Variants in ATXN10 observed in about 807,000 individuals in gnomAD.
ATXN10 encodes ataxin-10.
A neutral mutation model predicts 52.9 loss-of-function variants in ATXN10; 28 were observed. The observed-to-expected ratio is 0.53, with a 90% CI of 0.39 to 0.73. The LOEUF (loss-of-function observed/expected upper bound fraction) is 0.73. Among genes scored for constraint, ATXN10 ranks in the 30% least tolerant of loss-of-function variants. The pLI is 0.00. For missense variants in ATXN10, 565 were observed against 577.0 expected (o/e 0.98, Z 0.21); for synonymous variants, 226 against 221.5 (o/e 1.02, Z -0.18).
At chr22:45,707,044 CAT>C (rs138147) in intron 5 of ATXN10, among the ~76,000 whole-genome samples, 9,041 of 152,226 alleles carry the variant, frequency 0.059, 517 homozygotes, top group African/African-American at 0.16. Context: ...TACACACACA[CAT>C]GTTTATATTT....
At chr22:45,806,884 A>G in intron 9 of ATXN10, 75 bp from the exon 10 acceptor site, 1 of 1,165,284 alleles carries the variant, frequency 8.6e-7, no homozygotes, top group Middle Eastern at 1.9e-4. Flanking sequence ...AAAACACAAA[A>G]GGAACAAGTC....
At chr22:45,731,871 G>C (rs1925102109) in intron 7 of ATXN10, among the ~76,000 whole-genome samples, 1 of 152,170 alleles carries the variant, frequency 6.6e-6, no homozygotes. Flanking sequence ...AGGAAAGAAA[G>C]GTCTTTATTC....
Position 45,708,201 on chromosome 22 carries a change from A to G in ATXN10, c.647+5354A>G, listed in dbSNP as rs138612749. 4.1e-3 allele frequency among the ~76,000 whole-genome samples: 621 copies of G among 152,324 alleles called. 3 individuals are homozygous for G. The highest frequency in any genetic ancestry group is 0.014 in the African/African-American group (600 of 41,576). ...GTTTGTAGGTGTGAAAGATGTTTTC[A>G]TGCTCTTAGATAACCCTAGATGAAT... On this transcript the variant is annotated intron_variant, in intron 5 of 11. Coordinates refer to ENST00000252934, the MANE Select transcript of ATXN10 (RefSeq NM_013236.4). The surrounding 1 kb of genome is among the most constrained non-coding windows in gnomAD (Gnocchi z 5.3).
rs368460395 is a variant in ATXN10, at chr22:45,785,841, C to T, written c.1174-21118C>T. ...GGTATACTTGGCAGCCTCTGAGCCA[C>T]GTCCTCCTGGACCAAACGTGGGAAG... On this transcript the variant is annotated intron_variant, in intron 9 of 11. Coordinates refer to ENST00000252934, the MANE Select transcript of ATXN10 (RefSeq NM_013236.4). Among the ~76,000 whole-genome samples the T allele has an allele frequency of 3.3e-5, 5 of 152,224 alleles. No individual in the cohort carries two copies. The South Asian group carries it at 6.2e-4, about 19-fold the overall frequency.
intron 7 of ATXN10, among the ~76,000 whole-genome samples, chr22:45,736,977 G>A (rs1167089799): frequency 1.3e-5 from 2 of 152,162 alleles, no homozygotes; most frequent in Non-Finnish European, 2.9e-5. Flanking sequence ...GGTTCTGTGA[G>A]GTACACTGGA....
chr22:45,750,351 C>T lies in ATXN10; in HGVS notation c.1173+9813C>T, dbSNP rs1925901693. 6.6e-6 allele frequency among the ~76,000 whole-genome samples: 1 copy of T among 152,118 alleles called. No individual in the cohort carries two copies. The highest frequency in any genetic ancestry group is 6.5e-5 in the Admixed American group (1 of 15,274). On this transcript the variant is annotated intron_variant, in intron 9 of 11. Coordinates refer to ENST00000252934, the MANE Select transcript of ATXN10 (RefSeq NM_013236.4). This position sits in a 1 kb window ranked among gnomAD's most constrained non-coding sequence, Gnocchi z 4.2. ...GCTTGAGCAGTCTGTCCACCTTGGC[C>T]TCCCAAAGTGCTAGGATTACAGGTG...
intron 10 of ATXN10, chr22:45,811,721 C>G (rs1401154387): frequency 2.1e-6 from 1 of 471,130 alleles, no homozygotes; most frequent in Non-Finnish European, 4.4e-6. Context: ...TCCACACTTG[C>G]ATCATTGCTG....
chr22:45,695,577 C>T (rs1923573964), intron 3 of ATXN10, among the ~76,000 whole-genome samples: 1 of 151,226 alleles, frequency 6.6e-6, no homozygotes, highest in Non-Finnish European at 1.5e-5. Context: ...GCAACCACCG[C>T]CTTCCCGCCG....
chr22:45,699,619 G>A (rs1923760884), intron 3 of ATXN10, among the ~76,000 whole-genome samples: 1 of 149,628 alleles, frequency 6.7e-6, no homozygotes, highest in Non-Finnish European at 1.5e-5. Context: ...AGCCTCCTAA[G>A]TAGCTGGGAT....
At position 45,700,269 on chromosome 22, in the gene ATXN10, T is replaced by C. The variant is rs545336515; in HGVS notation, c.392-13T>C. ...CATTTATTTATTTATTTATAACTTTTATATATTCTTAGCTTTTCGCTGTGG... is the reference window on the plus strand; with the variant it reads ...CATTTATTTATTTATTTATAACTTTCATATATTCTTAGCTTTTCGCTGTGG... On this transcript the variant is annotated splice_polypyrimidine_tract_variant and intron_variant, in intron 3 of 11. Coordinates refer to ENST00000252934, the MANE Select transcript of ATXN10 (RefSeq NM_013236.4). 2 of 1,553,756 alleles carry C rather than the reference T, an allele frequency of 1.3e-6. No homozygotes were observed. The highest frequency in any genetic ancestry group is 2.3e-5 in the East Asian group (1 of 44,372).
rs1375452149 is a variant in ATXN10 at position 45,681,249 on chromosome 22, A to G, written c.117-8463A>G. On this transcript the variant is annotated intron_variant, in intron 1 of 11. Transcript: ENST00000252934. The surrounding 1 kb of genome is among the most constrained non-coding windows in gnomAD (Gnocchi z 4.2). ...ATTATCCTGACCTCGAATTTCTTTGACTTTCTCTCCCTTAGTGAGCTTGAC... is the reference window on the plus strand; with the variant it reads ...ATTATCCTGACCTCGAATTTCTTTGGCTTTCTCTCCCTTAGTGAGCTTGAC... Among the ~76,000 whole-genome samples, 5 of 151,924 alleles carry G rather than the reference A, an allele frequency of 3.3e-5. No homozygotes were observed. The highest frequency in any genetic ancestry group is 5.9e-5 in the Non-Finnish European group (4 of 67,984).
rs1051472078 is a variant in ATXN10, at chr22:45,770,501, G to A, written c.1173+29963G>A. Among the ~76,000 whole-genome samples, 3 of 152,170 alleles carry A rather than the reference G, an allele frequency of 2.0e-5. No homozygotes were observed. The highest frequency in any genetic ancestry group is 1.3e-4 in the Admixed American group (2 of 15,284). ...GTTGCAATGCATATGTGTTTCTTAC[G>A]ATCAGATAAATTCAAAGAAAGTTTA... On this transcript the variant is annotated intron_variant, in intron 9 of 11. Coordinates refer to ENST00000252934, the MANE Select transcript of ATXN10 (RefSeq NM_013236.4). The surrounding 1 kb of genome is among the most constrained non-coding windows in gnomAD (Gnocchi z 4.5).
In ATXN10 at chr22:45,757,429, G is replaced by A. The variant is rs1926215972; in HGVS notation, c.1173+16891G>A. 6.6e-6 allele frequency among the ~76,000 whole-genome samples: 1 copy of A among 152,116 alleles called. No homozygotes were observed. Among genetic ancestry groups the A allele is most frequent in the South Asian group, 2.1e-4 (1 of 4,826 alleles). Reference sequence around the variant, plus strand: ...AGAAAATGCCTGAGGCTCCGAGGTGGGAGCCCAGGCTGGGATTCAGGATTT... The same window carrying A: ...AGAAAATGCCTGAGGCTCCGAGGTGAGAGCCCAGGCTGGGATTCAGGATTT... On this transcript the variant is annotated intron_variant, in intron 9 of 11. Transcript: ENST00000252934. The surrounding 1 kb of genome is among the most constrained non-coding windows in gnomAD (Gnocchi z 4.6).
rs1927315712 is a variant in ATXN10 at position 45,786,156 on chromosome 22, C to T, written c.1174-20803C>T. On this transcript the variant is annotated intron_variant, in intron 9 of 11. Coordinates refer to ENST00000252934, the MANE Select transcript of ATXN10 (RefSeq NM_013236.4). The surrounding 1 kb of genome is among the most constrained non-coding windows in gnomAD (Gnocchi z 4.1). ...AAAGAAAAGATAGTTGCTAATTTTT[C>T]TGGAATTTGGTAGTTGAACTCAGAG... Among the ~76,000 whole-genome samples the T allele has an allele frequency of 6.6e-6, 1 of 152,158 alleles. No individual in the cohort carries two copies. Among genetic ancestry groups the T allele is most frequent in the African/African-American group, 2.4e-5 (1 of 41,448 alleles).
chr22:45,701,944 T>G lies in ATXN10; in HGVS notation c.489-745T>G, dbSNP rs1315502000. On this transcript the variant is annotated intron_variant, in intron 4 of 11. Coordinates refer to ENST00000252934, the MANE Select transcript of ATXN10 (RefSeq NM_013236.4). This position sits in a 1 kb window ranked among gnomAD's most constrained non-coding sequence, Gnocchi z 4.2. The stretch of plus-strand genomic sequence containing the variant: ...GGTTTTGTTATTGTATTTTATTTTT[T>G]ATACCAGAAAACATATTAAGAGAGG... Among the ~76,000 whole-genome samples the G allele has an allele frequency of 6.6e-6, 1 of 152,232 alleles. No homozygotes were observed.
At position 45,683,956 on chromosome 22, in the gene ATXN10, T is replaced by C. The variant is rs1446642653; in HGVS notation, c.117-5756T>C. Among the ~76,000 whole-genome samples the C allele has an allele frequency of 3.3e-5, 5 of 152,126 alleles. No individual in the cohort carries two copies. The highest frequency in any genetic ancestry group is 1.5e-5 in the Non-Finnish European group (1 of 68,036). ...AGCTTCTCTTTCATTTTCTTCTCTTTTCATGTTTTCTTAGAGACAAGGTCT... is the reference window on the plus strand; with the variant it reads ...AGCTTCTCTTTCATTTTCTTCTCTTCTCATGTTTTCTTAGAGACAAGGTCT... On this transcript the variant is annotated intron_variant, in intron 1 of 11. Transcript: ENST00000252934. The surrounding 1 kb of genome is among the most constrained non-coding windows in gnomAD (Gnocchi z 4.8).
chr22:45,747,701 T>A (rs757459138), intron 9 of ATXN10, among the ~76,000 whole-genome samples: 3 of 152,174 alleles, frequency 2.0e-5, no homozygotes, highest in Non-Finnish European at 4.4e-5. Context: ...CTGTTTAAAT[T>A]TGGACAAGTG....
chr22:45,785,161 A>ATTG (rs1460833754), intron 9 of ATXN10, among the ~76,000 whole-genome samples: 2 of 152,174 alleles, frequency 1.3e-5, no homozygotes, highest in African/African-American at 4.8e-5. Context: ...CCTTTCTGGT[A>ATTG]TTGTTGCTCT....
At chr22:45,714,874 G>A (rs1408285695) in intron 5 of ATXN10, among the ~76,000 whole-genome samples, 1 of 152,088 alleles carries the variant, frequency 6.6e-6, no homozygotes, top group Admixed American at 6.5e-5. Flanking sequence ...TGGTTTAAAG[G>A]TTGCAGTGTG....
Sources: allele counts gnomAD v4.1 joint callset (sites outside exome capture counted in the v4.1 genomes callset), GRCh38; gene constraint gnomAD v4.1.1; non-coding constraint Gnocchi (gnomAD v3.1); transcripts MANE v1.5; gene names NCBI Gene and HGNC (gene_info 2026-07-23, HGNC 2026-07-21).